Variants in ABCC3 observed in about 807,000 individuals in gnomAD.
ABCC3 encodes the protein ATP-binding cassette sub-family C member 3.
ABCC3 carries 121 observed loss-of-function variants against 165.3 expected under a neutral mutation model. The observed-to-expected ratio is 0.73, with a 90% CI of 0.63 to 0.85. The LOEUF (loss-of-function observed/expected upper bound fraction) is 0.85, where lower values mean the gene tolerates loss of function less well. ABCC3 is among the 40% of genes least tolerant of loss of function. The pLI is 0.00. For missense variants in ABCC3, 1,869 were observed against 1,964.1 expected, an observed-to-expected ratio of 0.95 and a Z score of 0.92; for synonymous variants, 733 against 810.1, an observed-to-expected ratio of 0.90 and a Z score of 1.62.
intron 1 of ABCC3, among the ~76,000 whole-genome samples, chr17:50,640,488 A>G (rs968697786): frequency 2.6e-5 from 4 of 152,200 alleles, no homozygotes; most frequent in African/African-American, 9.7e-5. Context: ...CAGCAGGCGC[A>G]GCACAACCAG....
At chr17:50,665,122 A>G (rs374652054) in intron 10 of ABCC3, 31 bp from the exon 11 acceptor site, 3 of 1,594,586 alleles carry the variant, frequency 1.9e-6, no homozygotes, top group South Asian at 1.1e-5. Flanking sequence ...ATCTGTCCCT[A>G]TGTGTCATCT....
intron 1 of ABCC3, among the ~76,000 whole-genome samples, chr17:50,646,366 G>A (rs1206353437): frequency 6.6e-6 from 1 of 152,206 alleles, no homozygotes; most frequent in Non-Finnish European, 1.5e-5. Context: ...AAGGGACATT[G>A]TGCAGGTCTA....
At chr17:50,641,088 G>A (rs1042001904) in intron 1 of ABCC3, among the ~76,000 whole-genome samples, 6 of 152,222 alleles carry the variant, frequency 3.9e-5, no homozygotes, top group African/African-American at 1.4e-4. Context: ...TGGGGCAGAG[G>A]GCTCCGGGGT....
chr17:50,654,391 C>T (rs989911816), intron 1 of ABCC3, among the ~76,000 whole-genome samples: 6 of 152,106 alleles, frequency 3.9e-5, no homozygotes, highest in African/African-American at 1.4e-4. Flanking sequence ...AATGTATTCC[C>T]CCATCCCTTT....
Position 50,691,334 on chromosome 17 carries a change from T to TA in ABCC3, c.*135dup, listed in dbSNP as rs2146651889. On this transcript the variant is annotated 3_prime_UTR_variant, in exon 31 of 31. Transcript: ENST00000285238. ...AAGATTTTGCACCTGTAAAGTGCCT[T>TA]ACAGGGTAACTGTGCTGAATGCTTT... 1 of 672,602 alleles carries TA rather than the reference T, an allele frequency of 1.5e-6. No individual in the cohort carries two copies. Among genetic ancestry groups the TA allele is most frequent in the East Asian group, 2.8e-5 (1 of 35,502 alleles). The allele number at this position is 672,602 out of a possible 1,614,324, so 41.7% of individuals were successfully genotyped here.
intron 18 of ABCC3, 156 bp downstream of exon 18, chr17:50,673,294 CT>C: frequency 3.3e-6 from 4 of 1,215,794 alleles, no homozygotes; most frequent in Non-Finnish European, 4.6e-6. Flanking sequence ...GTGGGGACAA[CT>C]CCCCCACCTG....
chr17:50,662,833 T>A (rs1325736273), intron 8 of ABCC3, among the ~76,000 whole-genome samples: 1 of 152,024 alleles, frequency 6.6e-6, no homozygotes, highest in Non-Finnish European at 1.5e-5. Context: ...TGATTATGGC[T>A]GGAGGGCTCC....
intron 27 of ABCC3, 83 bp downstream of exon 27, chr17:50,683,839 G>C (rs1967971205): frequency 6.4e-7 from 1 of 1,559,532 alleles, no homozygotes; most frequent in South Asian, 1.2e-5. Context: ...TGGGTCTTTT[G>C]AGAGCACAAG....
chr17:50,658,235 C>T, intron 5 of ABCC3, 28 bp downstream of exon 5: 1 of 1,614,130 alleles, frequency 6.2e-7, no homozygotes, highest in South Asian at 1.1e-5. Context: ...GGTGCGGGGG[C>T]TCCACAGCTG....
intron 4 of ABCC3, 92 bp from the exon 5 acceptor site, chr17:50,657,990 A>C: frequency 6.3e-7 from 1 of 1,580,204 alleles, no homozygotes; most frequent in Non-Finnish European, 8.6e-7. Context: ...CCTGCCCCAG[A>C]GGAGACTGAT....
At chr17:50,635,479 C>G in intron 1 of ABCC3, 1 of 702,578 alleles carries the variant, frequency 1.4e-6, no homozygotes, top group South Asian at 1.5e-5. Flanking sequence ...TGTGCAGTGT[C>G]CCACCCTTCT....
At chr17:50,646,430 T>C (rs1426953797) in intron 1 of ABCC3, among the ~76,000 whole-genome samples, 2 of 152,128 alleles carry the variant, frequency 1.3e-5, no homozygotes, top group African/African-American at 4.8e-5. Flanking sequence ...CAGTTAGATA[T>C]GGAGCTGGAG....
chr17:50,664,195 A>G, intron 10 of ABCC3, 84 bp downstream of exon 10: 1 of 1,552,098 alleles, frequency 6.4e-7, no homozygotes, highest in Non-Finnish European at 8.8e-7. Flanking sequence ...AACTGGGAGC[A>G]TGGCACATGC....
intron 1 of ABCC3, among the ~76,000 whole-genome samples, chr17:50,637,032 C>T (rs372771382): frequency 3.3e-5 from 5 of 152,302 alleles, no homozygotes; most frequent in Middle Eastern, 6.8e-3. Flanking sequence ...CTCTGGCCCG[C>T]GCACTTCTCC....
At chr17:50,685,003 G>C in intron 29 of ABCC3, 128 bp downstream of exon 29, 1 of 1,050,138 alleles carries the variant, frequency 9.5e-7, no homozygotes, top group Non-Finnish European at 1.4e-6. Context: ...CTGTCCTTTC[G>C]TATTGAGCAT....
chr17:50,640,511 T>A (rs943770482), intron 1 of ABCC3, among the ~76,000 whole-genome samples: 4 of 152,178 alleles, frequency 2.6e-5, no homozygotes, highest in Non-Finnish European at 4.4e-5. Flanking sequence ...TTTGTTTGTT[T>A]GTTTGTTGTG....
intron 26 of ABCC3, among the ~76,000 whole-genome samples, 170 bp downstream of exon 26, chr17:50,680,069 G>C (rs182933286): frequency 5.7e-4 from 87 of 152,354 alleles, no homozygotes; most frequent in African/African-American, 2.0e-3. Context: ...AGGAGGTGTA[G>C]AGAGATCAGA....
chr17:50,675,539 G>T, intron 20 of ABCC3, 63 bp downstream of exon 20: 2 of 1,582,644 alleles, frequency 1.3e-6, no homozygotes, highest in South Asian at 2.3e-5. Context: ...GGCCCTGCCA[G>T]ATGGGGTGCA....
At chr17:50,685,943 C>G (rs1031905665) in intron 29 of ABCC3, among the ~76,000 whole-genome samples, 17 of 152,312 alleles carry the variant, frequency 1.1e-4, no homozygotes, top group Non-Finnish European at 1.6e-4. Context: ...CGCCTGTAAT[C>G]CCAGCACTTT....
Sources: allele counts gnomAD v4.1 joint callset (sites outside exome capture counted in the v4.1 genomes callset), GRCh38; gene constraint gnomAD v4.1.1; transcripts MANE v1.5; gene names NCBI Gene and HGNC (gene_info 2026-07-23, HGNC 2026-07-21).